The following UBE2L3 variants were observed in gnomAD, a reference collection of about 807,000 sequenced individuals.
UBE2L3 encodes ubiquitin conjugating enzyme E2 L3.
UBE2L3 carries 1 observed loss-of-function variant against 17.8 expected under a neutral mutation model. The observed-to-expected ratio is 0.06, with a 90% CI of 0.02 to 0.27. The LOEUF (loss-of-function observed/expected upper bound fraction) is 0.27, where lower values mean the gene tolerates loss of function less well. Among genes scored for constraint, UBE2L3 ranks in the 10% least tolerant of loss-of-function variants. The pLI is 1.00. For missense variants in UBE2L3, 40 were observed against 192.6 expected, an observed-to-expected ratio of 0.21 and a Z score of 4.69; for synonymous variants, 44 against 68.5, an observed-to-expected ratio of 0.64 and a Z score of 1.76.
chr22:21,620,449 G>C (rs1929988815), intron 3 of UBE2L3, among the ~76,000 whole-genome samples: 1 of 152,034 alleles, frequency 6.6e-6, no homozygotes. Flanking sequence ...AGGAATTTGT[G>C]GCATCAGCAG....
chr22:21,594,543 C>G (rs1434079353), intron 2 of UBE2L3, among the ~76,000 whole-genome samples: 1 of 151,754 alleles, frequency 6.6e-6, no homozygotes, highest in Non-Finnish European at 1.5e-5. Context: ...TGAATTTGAT[C>G]AGCAGTTATT....
At chr22:21,596,509 T>G (rs946825169) in intron 2 of UBE2L3, among the ~76,000 whole-genome samples, 2 of 152,208 alleles carry the variant, frequency 1.3e-5, no homozygotes, top group Non-Finnish European at 2.9e-5. Context: ...TAGCTGGGAT[T>G]GCAGGTGTGC....
At chr22:21,569,393 G>GT (rs1385045607) in intron 1 of UBE2L3, among the ~76,000 whole-genome samples, 26 of 75,288 alleles carry the variant, frequency 3.5e-4, no homozygotes, top group Middle Eastern at 0.016. Flanking sequence ...GAGACTCCAT[G>GT]TCAAAAAAAA....
intron 1 of UBE2L3, among the ~76,000 whole-genome samples, chr22:21,577,183 T>C (rs1927362235): frequency 1.3e-5 from 2 of 151,820 alleles, no homozygotes; most frequent in African/African-American, 4.8e-5. Context: ...TTAGCCAGGA[T>C]GGTCTCGATC....
At chr22:21,602,578 T>C (rs929405666) in intron 2 of UBE2L3, among the ~76,000 whole-genome samples, 5 of 152,176 alleles carry the variant, frequency 3.3e-5, no homozygotes, top group Non-Finnish European at 5.9e-5. Flanking sequence ...AAAGGAAGAT[T>C]AGATTTGACC....
intron 1 of UBE2L3, among the ~76,000 whole-genome samples, chr22:21,573,324 T>C (rs1405138896): frequency 6.6e-6 from 1 of 152,116 alleles, no homozygotes; most frequent in African/African-American, 2.4e-5. Flanking sequence ...CACTTGCCCG[T>C]TGAGTCCCCT....
At chr22:21,602,426 G>T in intron 2 of UBE2L3, among the ~76,000 whole-genome samples, 1 of 152,218 alleles carries the variant, frequency 6.6e-6, no homozygotes, top group Non-Finnish European at 1.5e-5. Flanking sequence ...GGCTGCCAGA[G>T]AGCTGTATGG....
chr22:21,565,794 T>TAAA (rs1926607464), upstream of UBE2L3, among the ~76,000 whole-genome samples: 1 of 90,066 alleles, frequency 1.1e-5, no homozygotes, highest in South Asian at 4.4e-4. Flanking sequence ...AGAGAAAAAC[T>TAAA]CCTTAAGAAG....
chr22:21,612,638 CTTTTCTTTTTTTTTTT>C (rs1311641428), intron 3 of UBE2L3, among the ~76,000 whole-genome samples: 2 of 60,498 alleles, frequency 3.3e-5, no homozygotes, highest in African/African-American at 1.1e-4. Flanking sequence ...TTTTTCTTTT[CTTTTCTTTTTTTTTTT>C]TTTTTTTTTT....
intron 2 of UBE2L3, among the ~76,000 whole-genome samples, chr22:21,609,912 G>A (rs1929387873): frequency 6.6e-6 from 1 of 152,156 alleles, no homozygotes; most frequent in African/African-American, 2.4e-5. Flanking sequence ...TGTAATCCCA[G>A]CTACTTGGGA....
At chr22:21,588,220 C>T (rs1251391435) in intron 1 of UBE2L3, among the ~76,000 whole-genome samples, 1 of 152,152 alleles carries the variant, frequency 6.6e-6, no homozygotes, top group Non-Finnish European at 1.5e-5. Flanking sequence ...GCTGCTCTTG[C>T]GGTTTTTATC....
At chr22:21,568,376 G>A in intron 1 of UBE2L3, 5 of 985,466 alleles carry the variant, frequency 5.1e-6, no homozygotes, top group Non-Finnish European at 6.0e-6. Context: ...GTCACACAGC[G>A]GGTAAGTTCC....
At chr22:21,573,714 G>C (rs568163664) in intron 1 of UBE2L3, among the ~76,000 whole-genome samples, 1 of 152,280 alleles carries the variant, frequency 6.6e-6, no homozygotes, top group South Asian at 2.1e-4. Flanking sequence ...AGTGCCTATG[G>C]GAAATGCTTT....
intron 3 of UBE2L3, among the ~76,000 whole-genome samples, chr22:21,612,307 A>G (rs1226035930): frequency 6.6e-6 from 1 of 152,064 alleles, no homozygotes. Context: ...AGTTCTTCTC[A>G]GTGCCTGGTT....
chr22:21,564,088 T>G (rs1243591526), upstream of UBE2L3, among the ~76,000 whole-genome samples: 4 of 151,158 alleles, frequency 2.6e-5, no homozygotes. Flanking sequence ...CAGGCTTGAG[T>G]GCAGTGGCAC....
Position 21,614,264 on chromosome 22 carries a change from C to G in UBE2L3, c.310+3221C>G, listed in dbSNP as rs532859228. ...CTGCCTTTTTAAATGCCTCACCATTCCTTCATTTGTTTCTTAAATATGGGA... is the reference window on the plus strand; with the variant it reads ...CTGCCTTTTTAAATGCCTCACCATTGCTTCATTTGTTTCTTAAATATGGGA... On this transcript the variant is annotated intron_variant, in intron 3 of 3. Coordinates refer to ENST00000342192, the MANE Select transcript of UBE2L3 (RefSeq NM_003347.4). 4.6e-5 allele frequency among the ~76,000 whole-genome samples: 7 copies of G among 152,324 alleles called. No individual in the cohort carries two copies. The South Asian group carries it at 1.2e-3, about 27-fold the overall frequency.
intron 2 of UBE2L3, among the ~76,000 whole-genome samples, chr22:21,606,524 T>C (rs556362073): frequency 7.9e-5 from 12 of 152,122 alleles, no homozygotes; most frequent in Non-Finnish European, 1.0e-4. Context: ...TTTACTTACT[T>C]CCCCCCACCA....
At chr22:21,572,898 C>A (rs979149273) in intron 1 of UBE2L3, among the ~76,000 whole-genome samples, 1 of 152,158 alleles carries the variant, frequency 6.6e-6, no homozygotes, top group African/African-American at 2.4e-5. Context: ...GAGCCCTTCT[C>A]GGCTCTTCCT....
intron 1 of UBE2L3, among the ~76,000 whole-genome samples, chr22:21,560,212 T>G (rs1310708389): frequency 6.6e-6 from 1 of 152,120 alleles, no homozygotes; most frequent in Non-Finnish European, 1.5e-5. Context: ...CAGGGACTTA[T>G]GGGCAGGTCT....
Sources: allele counts gnomAD v4.1 joint callset (sites outside exome capture counted in the v4.1 genomes callset), GRCh38; gene constraint gnomAD v4.1.1; transcripts MANE v1.5; gene names NCBI Gene and HGNC (gene_info 2026-07-23, HGNC 2026-07-21).